Variants in PRELID2 observed in about 807,000 individuals in gnomAD.
PRELID2 encodes the protein PRELI domain containing 2.
In PRELID2, 25 loss-of-function variants were observed where a neutral mutation model predicts 28.4. That is an observed-to-expected ratio of 0.88 (90% CI 0.64 to 1.23). The LOEUF (loss-of-function observed/expected upper bound fraction) is 1.23. PRELID2 is among the 50% of genes most tolerant of loss of function. PRELID2 has a pLI of 0.00. For synonymous variants in PRELID2, 76 were observed against 71.6 expected, an observed-to-expected ratio of 1.06 and a Z score of -0.31; for missense variants, 201 against 214.4, an observed-to-expected ratio of 0.94 and a Z score of 0.39.
the PRELID2 span, among the ~76,000 whole-genome samples, chr5:145,439,431 C>A: frequency 2.6e-5 from 4 of 152,066 alleles, no homozygotes; most frequent in African/African-American, 9.7e-5. Context: ...ATTTCATATA[C>A]CTCTGCCTGG....
At chr5:145,728,409 C>T (rs1349454276) in intron 1 of PRELID2, 3 of 517,588 alleles carry the variant, frequency 5.8e-6, no homozygotes, top group African/African-American at 1.9e-5. Context: ...CAGAAATCCA[C>T]ACTTCAAGCT....
At chr5:145,317,954 G>A in the PRELID2 span, among the ~76,000 whole-genome samples, 2 of 152,076 alleles carry the variant, frequency 1.3e-5, no homozygotes, top group Non-Finnish European at 2.9e-5. Flanking sequence ...AACAATAATA[G>A]CAGCTAACAT....
At chr5:145,617,119 G>T (rs1397304232) in intron 1 of PRELID2, among the ~76,000 whole-genome samples, 1 of 152,174 alleles carries the variant, frequency 6.6e-6, no homozygotes, top group Admixed American at 6.5e-5. Context: ...CCTGAACATT[G>T]CTGTTATCCT....
intron 1 of PRELID2, among the ~76,000 whole-genome samples, chr5:145,685,444 T>C (rs1755016895): frequency 6.6e-6 from 1 of 152,216 alleles, no homozygotes; most frequent in African/African-American, 2.4e-5. Context: ...AGTCTCAGCT[T>C]GGACATTGCT....
At chr5:145,365,242 T>C in the PRELID2 span, among the ~76,000 whole-genome samples, 18 of 151,968 alleles carry the variant, frequency 1.2e-4, no homozygotes, top group African/African-American at 3.9e-4. Context: ...TTGTGTGTTT[T>C]AAAATTACTG....
chr5:145,832,838 A>G (rs1178477541), intron 1 of PRELID2, among the ~76,000 whole-genome samples: 1 of 152,038 alleles, frequency 6.6e-6, no homozygotes, highest in African/African-American at 2.4e-5. Context: ...ACTTCTATTC[A>G]TGCTTCAGCC....
At chr5:145,657,162 A>G (rs1296427831) in intron 1 of PRELID2, among the ~76,000 whole-genome samples, 1 of 152,258 alleles carries the variant, frequency 6.6e-6, no homozygotes, top group African/African-American at 2.4e-5. Context: ...TAATAATAAT[A>G]ATAGCTGATT....
At chr5:145,229,565 C>A in the PRELID2 span, 1 of 1,475,638 alleles carries the variant, frequency 6.8e-7, no homozygotes, top group Non-Finnish European at 9.3e-7. Flanking sequence ...CTCCTTGGAG[C>A]TCTTCATGTA....
chr5:145,577,121 A>G (rs1375050003), intron 1 of PRELID2, among the ~76,000 whole-genome samples: 3 of 152,154 alleles, frequency 2.0e-5, no homozygotes, highest in African/African-American at 7.2e-5. Flanking sequence ...ATCTCAGACA[A>G]AACTAGCTTG....
chr5:145,399,969 T>C, the PRELID2 span, among the ~76,000 whole-genome samples: 2 of 152,162 alleles, frequency 1.3e-5, no homozygotes, highest in Admixed American at 6.5e-5. Flanking sequence ...GTACCTCCGA[T>C]AACACATAGG....
chr5:145,564,417 G>A (rs1752948270), intron 1 of PRELID2, among the ~76,000 whole-genome samples: 2 of 151,940 alleles, frequency 1.3e-5, no homozygotes, highest in African/African-American at 2.4e-5. Context: ...CCTCACTCTT[G>A]TCCCACTCAC....
chr5:145,242,854 A>G, the PRELID2 span, among the ~76,000 whole-genome samples: 1 of 152,100 alleles, frequency 6.6e-6, no homozygotes, highest in Non-Finnish European at 1.5e-5. Flanking sequence ...CTAGGCTAAT[A>G]AAGTGATTTA....
chr5:145,741,221 T>TGTAA (rs1554087928), intron 1 of PRELID2, among the ~76,000 whole-genome samples: 1 of 109,970 alleles, frequency 9.1e-6, no homozygotes, highest in Non-Finnish European at 1.6e-5. Flanking sequence ...ATATAAAATA[T>TGTAA]ATATATAATA....
intron 1 of PRELID2, among the ~76,000 whole-genome samples, chr5:145,691,531 C>T (rs1490663803): frequency 3.3e-5 from 5 of 152,042 alleles, no homozygotes; most frequent in African/African-American, 9.7e-5. Context: ...CAGTGAAACC[C>T]GGTCTCTACT....
intron 1 of PRELID2, among the ~76,000 whole-genome samples, chr5:145,604,748 GT>G (rs377653737): frequency 0.029 from 3,192 of 108,956 alleles, 67 homozygotes; most frequent in African/African-American, 0.087. Context: ...GTTTTTTTTG[GT>G]TTTTTTTTTT....
At chr5:145,271,192 GAC>G in the PRELID2 span, among the ~76,000 whole-genome samples, 1 of 151,998 alleles carries the variant, frequency 6.6e-6, no homozygotes, top group Admixed American at 6.6e-5. Context: ...TTTGGCTGGG[GAC>G]ACAGAGCCAA....
chr5:145,678,509 C>T (rs1214847956), intron 1 of PRELID2, among the ~76,000 whole-genome samples: 1 of 152,162 alleles, frequency 6.6e-6, no homozygotes, highest in Non-Finnish European at 1.5e-5. Context: ...TCCCTATACA[C>T]AGTAAATTCC....
chr5:145,608,294 C>G (rs1580999260), intron 1 of PRELID2, among the ~76,000 whole-genome samples: 1 of 152,228 alleles, frequency 6.6e-6, no homozygotes, highest in East Asian at 1.9e-4. Context: ...ATGTTGTTAG[C>G]TGGTTATTAT....
At chr5:145,638,168 A>C (rs1754034358) in intron 1 of PRELID2, among the ~76,000 whole-genome samples, 1 of 152,274 alleles carries the variant, frequency 6.6e-6, no homozygotes, top group Admixed American at 6.5e-5. Context: ...ACTATTATTG[A>C]TATTGGTACT....
Sources: gnomAD v4.1 joint callset for allele counts (sites outside exome capture counted in the v4.1 genomes callset) on GRCh38, gnomAD v4.1.1 for gene constraint, MANE v1.5 for transcripts, NCBI Gene and HGNC (gene_info 2026-07-23, HGNC 2026-07-21) for gene names.